Variants in ARHGEF12 observed in about 807,000 individuals in gnomAD.
ARHGEF12 encodes the protein KMT2A/ARHGEF12 fusion protein.
In ARHGEF12, 66 loss-of-function variants were observed where a neutral mutation model predicts 211.2. That is an observed-to-expected ratio of 0.31 (90% CI 0.26 to 0.38). The LOEUF is 0.38. ARHGEF12 is among the 10% of genes least tolerant of loss of function. ARHGEF12 has a pLI of 1.00. For missense variants in ARHGEF12, 1,429 were observed against 1,869.5 expected, an observed-to-expected ratio of 0.76 and a Z score of 4.34; for synonymous variants, 592 against 638.4, an observed-to-expected ratio of 0.93 and a Z score of 1.09.
chr11:120,461,802 A>G (rs776853476), intron 27 of ARHGEF12, among the ~76,000 whole-genome samples: 4 of 152,100 alleles, frequency 2.6e-5, no homozygotes, highest in Admixed American at 2.6e-4. Flanking sequence ...TTGTACTTTT[A>G]TTTTTATGGA....
intron 1 of ARHGEF12, among the ~76,000 whole-genome samples, chr11:120,350,574 A>C (rs545325934): frequency 6.6e-6 from 1 of 151,810 alleles, no homozygotes; most frequent in East Asian, 1.9e-4. Flanking sequence ...ATGAAATAAT[A>C]ATGATTAAAT....
chr11:120,376,033 C>T (rs979421092), intron 1 of ARHGEF12, among the ~76,000 whole-genome samples: 10 of 152,012 alleles, frequency 6.6e-5, no homozygotes, highest in African/African-American at 2.2e-4. Context: ...GGGTACTTAC[C>T]GCTAACATGA....
At chr11:120,431,256 C>T (rs539898618) in intron 10 of ARHGEF12, among the ~76,000 whole-genome samples, 6 of 152,216 alleles carry the variant, frequency 3.9e-5, no homozygotes, top group Admixed American at 6.5e-5. Flanking sequence ...TGCCACTACA[C>T]TCCAGCCTGG....
At chr11:120,353,893 G>T (rs1943062068) in intron 1 of ARHGEF12, among the ~76,000 whole-genome samples, 1 of 152,186 alleles carries the variant, frequency 6.6e-6, no homozygotes, top group East Asian at 1.9e-4. Context: ...ATCTCATACT[G>T]CAAAGGAAAA....
intron 32 of ARHGEF12, among the ~76,000 whole-genome samples, chr11:120,475,047 C>A (rs1251504427): frequency 6.6e-6 from 1 of 152,180 alleles, no homozygotes; most frequent in East Asian, 1.9e-4. Context: ...CCTCGAACTC[C>A]TGGGCTTAAG....
intron 4 of ARHGEF12, chr11:120,409,673 G>C (rs535167900): frequency 9.0e-6 from 4 of 445,794 alleles, no homozygotes; most frequent in African/African-American, 6.0e-5. Flanking sequence ...TAGATTAAGA[G>C]TAGGCCACAT....
intron 1 of ARHGEF12, among the ~76,000 whole-genome samples, chr11:120,353,227 GT>G (rs1219572388): frequency 6.6e-6 from 1 of 152,216 alleles, no homozygotes; most frequent in Non-Finnish European, 1.5e-5. Flanking sequence ...AGAACTTGAG[GT>G]CTGTCTCAGA....
chr11:120,460,368 A>T (rs1406902851), intron 26 of ARHGEF12, among the ~76,000 whole-genome samples: 2 of 152,172 alleles, frequency 1.3e-5, no homozygotes, highest in Non-Finnish European at 2.9e-5. Context: ...GTTTAAATTC[A>T]AGTTCTTTTT....
chr11:120,478,085 C>A, intron 36 of ARHGEF12, 71 bp from the exon 37 acceptor site: 1 of 1,012,328 alleles, frequency 9.9e-7, no homozygotes, highest in Non-Finnish European at 1.4e-6. Context: ...CTGATTCTTC[C>A]CTGAATGCTT....
chr11:120,389,128 C>T (rs971218790), intron 1 of ARHGEF12, among the ~76,000 whole-genome samples: 1 of 152,160 alleles, frequency 6.6e-6, no homozygotes, highest in African/African-American at 2.4e-5. Flanking sequence ...GCCTCAGCCT[C>T]CCAAGGTGCT....
At chr11:120,451,878 C>T (rs182870843) in intron 22 of ARHGEF12, among the ~76,000 whole-genome samples, 154 bp downstream of exon 22, 1 of 152,072 alleles carries the variant, frequency 6.6e-6, no homozygotes, top group Non-Finnish European at 1.5e-5. Context: ...AAATCTATGC[C>T]GAATGATAAC....
intron 1 of ARHGEF12, among the ~76,000 whole-genome samples, chr11:120,349,161 A>G (rs982688397): frequency 6.6e-6 from 1 of 152,212 alleles, no homozygotes; most frequent in Non-Finnish European, 1.5e-5. Flanking sequence ...GAAGCCCTGC[A>G]TGATTAGAAT....
intron 1 of ARHGEF12, among the ~76,000 whole-genome samples, chr11:120,371,129 A>G (rs1296934543): frequency 6.6e-6 from 1 of 152,222 alleles, no homozygotes; most frequent in Admixed American, 6.5e-5. Flanking sequence ...CAGTGCTAAA[A>G]AGAGTTCTTT....
chr11:120,380,666 T>C (rs568945198), intron 1 of ARHGEF12, among the ~76,000 whole-genome samples: 1 of 152,236 alleles, frequency 6.6e-6, no homozygotes, highest in Non-Finnish European at 1.5e-5. Flanking sequence ...TTGGTTAAGA[T>C]AGTGTTTGCT....
chr11:120,346,472 A>G (rs1173615761), intron 1 of ARHGEF12, among the ~76,000 whole-genome samples: 1 of 152,214 alleles, frequency 6.6e-6, no homozygotes, highest in African/African-American at 2.4e-5. Flanking sequence ...ACATCAGCTC[A>G]CATGTCAGTG....
chr11:120,459,091 T>C (rs981375981), intron 25 of ARHGEF12, 83 bp from the exon 26 acceptor site: 2 of 1,084,578 alleles, frequency 1.8e-6, no homozygotes, highest in African/African-American at 3.2e-5. Flanking sequence ...ATTCATTTGC[T>C]ACTTCACTCC....
At chr11:120,339,478 A>T (rs756409491) in intron 1 of ARHGEF12, among the ~76,000 whole-genome samples, 1 of 152,168 alleles carries the variant, frequency 6.6e-6, no homozygotes, top group Non-Finnish European at 1.5e-5. Flanking sequence ...TACTGTAGGT[A>T]TATTTTGCTG....
rs1016438426 is a variant in ARHGEF12, at chr11:120,336,802, C to T, written c.-442C>T. ...GCAGCCGGCAGCCCCAGATAGAGAG[C>T]CGGGAGGGAGGGCCCCGGCCCTTGC... On this transcript the variant is annotated 5_prime_UTR_variant, in exon 1 of 41. Transcript: ENST00000397843. 3.2e-6 allele frequency: 1 copy of T among 308,946 alleles called. No homozygotes were observed. Among genetic ancestry groups the T allele is most frequent in the East Asian group, 4.9e-5 (1 of 20,580 alleles). The allele number at this position is 308,946 out of a possible 1,614,324, so 19.1% of individuals were successfully genotyped here.
At chr11:120,410,321 T>C (rs998193417) in intron 4 of ARHGEF12, 3 of 151,652 alleles carry the variant, frequency 2.0e-5, no homozygotes, top group Non-Finnish European at 2.9e-5. Flanking sequence ...TTTTGTTTTT[T>C]GAGAAAAGTG....
Sources: gnomAD v4.1 joint callset for allele counts (sites outside exome capture counted in the v4.1 genomes callset) on GRCh38, gnomAD v4.1.1 for gene constraint, MANE v1.5 for transcripts, NCBI Gene and HGNC (gene_info 2026-07-23, HGNC 2026-07-21) for gene names.